The following TNFSF4 variants were observed in gnomAD, a reference collection of about 807,000 sequenced individuals.
TNFSF4 encodes the protein tumor necrosis factor ligand superfamily member 4.
TNFSF4 carries 4 observed loss-of-function variants against 7.3 expected under a neutral mutation model. The observed-to-expected ratio is 0.55, with a 90% CI of 0.27 to 1.25. The LOEUF (loss-of-function observed/expected upper bound fraction) is 1.25, where lower values mean the gene tolerates loss of function less well. TNFSF4 is among the 50% of genes most tolerant of loss of function. The pLI is 0.12. For synonymous variants in TNFSF4, 76 were observed against 83.7 expected, an observed-to-expected ratio of 0.91 and a Z score of 0.50; for missense variants, 181 against 208.8, an observed-to-expected ratio of 0.87 and a Z score of 0.82.
At chr1:173,304,987 G>T in the TNFSF4 span, among the ~76,000 whole-genome samples, 1 of 151,930 alleles carries the variant, frequency 6.6e-6, no homozygotes, top group African/African-American at 2.4e-5. Flanking sequence ...TGCAAACCCA[G>T]ATTGATGCAC....
chr1:173,250,742 A>T, the TNFSF4 span, among the ~76,000 whole-genome samples: 9 of 151,996 alleles, frequency 5.9e-5, no homozygotes, highest in South Asian at 6.2e-4. Flanking sequence ...TACAGGCGTG[A>T]GCCACCGCGC....
chr1:173,249,732 C>G, the TNFSF4 span, among the ~76,000 whole-genome samples: 4 of 152,212 alleles, frequency 2.6e-5, no homozygotes, highest in Admixed American at 6.5e-5. Flanking sequence ...CAAGACTACA[C>G]TCAGTACCAA....
the TNFSF4 span, among the ~76,000 whole-genome samples, chr1:173,178,435 G>A: frequency 2.0e-5 from 3 of 152,064 alleles, no homozygotes; most frequent in Admixed American, 1.3e-4. Flanking sequence ...TTAGCCAGGC[G>A]TGGTAGCTGG....
chr1:173,297,122 C>A, the TNFSF4 span, among the ~76,000 whole-genome samples: 1 of 151,850 alleles, frequency 6.6e-6, no homozygotes, highest in Non-Finnish European at 1.5e-5. Context: ...GAGAAAGATA[C>A]AGAAAATACA....
the TNFSF4 span, among the ~76,000 whole-genome samples, chr1:173,435,150 T>C: frequency 6.6e-6 from 1 of 152,162 alleles, no homozygotes; most frequent in South Asian, 2.1e-4. Context: ...CCAAGTCTTT[T>C]GGACAATGGC....
the TNFSF4 span, among the ~76,000 whole-genome samples, chr1:173,174,821 G>C: frequency 2.6e-5 from 4 of 152,106 alleles, no homozygotes; most frequent in African/African-American, 9.7e-5. Flanking sequence ...CTCATACACT[G>C]CCATATGGCC....
chr1:173,430,565 T>C, the TNFSF4 span, among the ~76,000 whole-genome samples: 1 of 152,236 alleles, frequency 6.6e-6, no homozygotes, highest in Non-Finnish European at 1.5e-5. Flanking sequence ...TCTTTTTTGT[T>C]GCTTATAACT....
the TNFSF4 span, among the ~76,000 whole-genome samples, chr1:173,222,477 G>T: frequency 6.6e-6 from 1 of 152,184 alleles, no homozygotes; most frequent in Non-Finnish European, 1.5e-5. Flanking sequence ...GTATTCAAGA[G>T]CATTTCCCCA....
chr1:173,361,208 G>A, the TNFSF4 span, among the ~76,000 whole-genome samples: 1 of 152,160 alleles, frequency 6.6e-6, no homozygotes, highest in Non-Finnish European at 1.5e-5. Flanking sequence ...TGACTGCAGG[G>A]CTTTTGATAT....
the TNFSF4 span, among the ~76,000 whole-genome samples, chr1:173,352,984 A>G: frequency 2.6e-5 from 4 of 152,198 alleles, no homozygotes; most frequent in Non-Finnish European, 5.9e-5. Flanking sequence ...TAAGAGAAAT[A>G]TGGCTCTGTT....
chr1:173,229,538 A>C, the TNFSF4 span, among the ~76,000 whole-genome samples: 1 of 152,234 alleles, frequency 6.6e-6, no homozygotes, highest in Non-Finnish European at 1.5e-5. Flanking sequence ...TGAGCAAAAT[A>C]ACCAGCTAAC....
the TNFSF4 span, among the ~76,000 whole-genome samples, chr1:173,327,115 T>G: frequency 6.6e-6 from 1 of 152,120 alleles, no homozygotes; most frequent in South Asian, 2.1e-4. Context: ...GACTTCAAAC[T>G]ATACTACAAG....
chr1:173,175,008 C>T, the TNFSF4 span: 3 of 152,288 alleles, frequency 2.0e-5, no homozygotes, highest in South Asian at 2.1e-4. Context: ...GAGTCTCTTA[C>T]GTCTTTGTTT....
At chr1:173,201,428 A>G (rs976793787) in intron 1 of TNFSF4, among the ~76,000 whole-genome samples, 5 of 152,186 alleles carry the variant, frequency 3.3e-5, no homozygotes, top group African/African-American at 1.2e-4. Context: ...GTGTGTGTGT[A>G]TGTGTGCACA....
chr1:173,309,708 A>G, the TNFSF4 span, among the ~76,000 whole-genome samples: 2 of 151,760 alleles, frequency 1.3e-5, no homozygotes, highest in East Asian at 3.9e-4. Context: ...AAATGAGTTG[A>G]GATTGTTCCC....
the TNFSF4 span, among the ~76,000 whole-genome samples, chr1:173,331,365 G>A: frequency 6.6e-6 from 1 of 152,128 alleles, no homozygotes. Flanking sequence ...CACTGGGAAG[G>A]TACATACACA....
the TNFSF4 span, among the ~76,000 whole-genome samples, chr1:173,294,576 C>A: frequency 6.6e-6 from 1 of 151,800 alleles, no homozygotes; most frequent in African/African-American, 2.4e-5. Context: ...TGCAGGTGTA[C>A]CCCTAAACCT....
chr1:173,196,701 G>A lies in TNFSF4; in HGVS notation c.154-8132C>T, dbSNP rs1649715694. Among the ~76,000 whole-genome samples, 3 of 152,210 alleles carry A rather than the reference G, an allele frequency of 2.0e-5. No homozygotes were observed. In the South Asian group the frequency reaches 6.2e-4, roughly 32 times the overall value. The stretch of plus-strand genomic sequence containing the variant: ...AATCAAATCAACCAAAAGTATCCAT[G>A]TGACATGAAATCTATGTGATTGACC... On this transcript the variant is annotated intron_variant, in intron 1 of 2. Transcript: ENST00000281834.
the TNFSF4 span, among the ~76,000 whole-genome samples, chr1:173,405,959 G>A: frequency 2.0e-5 from 3 of 152,198 alleles, no homozygotes; most frequent in Non-Finnish European, 4.4e-5. Flanking sequence ...GACAGAAAAG[G>A]CTGCATGGCA....
Sources: gnomAD v4.1 joint callset for allele counts (sites outside exome capture counted in the v4.1 genomes callset) on GRCh38, gnomAD v4.1.1 for gene constraint, MANE v1.5 for transcripts, NCBI Gene and HGNC (gene_info 2026-07-23, HGNC 2026-07-21) for gene names.